PATE4: variants seen among roughly 807,000 people sequenced by gnomAD.
The protein encoded by PATE4 is prostate and testis expressed protein 4.
Under a neutral mutation model 8.5 loss-of-function variants are expected in PATE4, and 13 were observed. The ratio of observed to expected loss-of-function variants is 1.53; its 90% CI spans 1.00 to 2.43. PATE4 has a LOEUF of 2.43. Among genes scored for constraint, PATE4 ranks in the 30% most tolerant of loss-of-function variants. PATE4 has a pLI of 0.00. For missense variants in PATE4, 127 were observed against 115.5 expected (o/e 1.10, Z -0.46); for synonymous variants, 47 against 39.3 (o/e 1.20, Z -0.73).
chr11:125,833,690 T>C (rs911507807), intron 1 of PATE4, among the ~76,000 whole-genome samples: 2 of 152,194 alleles, frequency 1.3e-5, no homozygotes, highest in African/African-American at 4.8e-5. Flanking sequence ...TAATATACTT[T>C]TCTCCTTTAT....
In PATE4 at chr11:125,838,433, C is replaced by T. The variant is rs1943936657; in HGVS notation, c.*6C>T. 6.5e-7 allele frequency: 1 copy of T among 1,538,286 alleles called. No homozygotes were observed. Among genetic ancestry groups the T allele is most frequent in the Non-Finnish European group, 8.7e-7 (1 of 1,143,572 alleles). On this transcript the variant is annotated 3_prime_UTR_variant, in exon 3 of 3. Coordinates refer to ENST00000457514, the MANE Select transcript of PATE4 (RefSeq NM_001144874.1). ...ACTTCTGTAATGTCTTCTAATGGAG[C>T]TTAGGAACTTGCAGAGGATCATCTG...
intron 2 of PATE4, 89 bp from the exon 3 acceptor site, chr11:125,838,217 T>A: frequency 7.3e-7 from 1 of 1,371,892 alleles, no homozygotes. Context: ...GACCCAGTGT[T>A]AAGTGCTATT....
At chr11:125,834,044 T>C (rs978703156) in intron 1 of PATE4, among the ~76,000 whole-genome samples, 1 of 152,206 alleles carries the variant, frequency 6.6e-6, no homozygotes, top group Non-Finnish European at 1.5e-5. Context: ...TTAAATGTGC[T>C]TCAAATATGA....
chr11:125,836,732 T>C (rs1490754565), intron 1 of PATE4, among the ~76,000 whole-genome samples: 4 of 152,192 alleles, frequency 2.6e-5, no homozygotes, highest in Non-Finnish European at 5.9e-5. Flanking sequence ...GAGGGGTTGT[T>C]TAATGCCTGT....
At chr11:125,835,790 C>T (rs1943915715) in intron 1 of PATE4, 1 of 152,234 alleles carries the variant, frequency 6.6e-6, no homozygotes, top group Non-Finnish European at 1.5e-5. Context: ...CTTTCCTGTC[C>T]TTTACCTGTC....
In PATE4 at chr11:125,838,453, C is replaced by A; in HGVS notation, c.*26C>A. The A allele has an allele frequency of 1.3e-6, 2 of 1,526,164 alleles. No individual in the cohort carries two copies. The highest frequency in any genetic ancestry group is 1.4e-5 in the African/African-American group (1 of 71,604). The allele number at this position is 1,526,164 out of a possible 1,614,324, so 94.5% of individuals were successfully genotyped here. A position where few individuals can be genotyped will look rare whatever the true frequency, so the allele number is the denominator to read the frequency against. On this transcript the variant is annotated 3_prime_UTR_variant, in exon 3 of 3. Coordinates refer to ENST00000457514, the MANE Select transcript of PATE4 (RefSeq NM_001144874.1). ...TGGAGCTTAGGAACTTGCAGAGGAT[C>A]ATCTGATCAAGATCCAGAATCAAGA...
In PATE4 at chr11:125,833,550, G is replaced by C. The variant is rs1943901544; in HGVS notation, c.58+133G>C. On this transcript the variant is annotated intron_variant, in intron 1 of 2. Transcript: ENST00000457514. ...GTACAATCTGAGTTTCAGGATGTCA[G>C]AGAGATCATATATAACACACTAATC... is the stretch of plus-strand genomic sequence containing the variant. The C allele has an allele frequency of 7.6e-6, 6 of 784,488 alleles. No individual in the cohort carries two copies. In the Admixed American group the frequency reaches 1.0e-4, roughly 14 times the overall value. 48.6% of individuals were successfully genotyped at this position (784,488 alleles called of 1,614,324 possible).
intron 1 of PATE4, among the ~76,000 whole-genome samples, chr11:125,836,600 C>T (rs1222835245): frequency 6.6e-6 from 1 of 152,188 alleles, no homozygotes; most frequent in Non-Finnish European, 1.5e-5. Context: ...TCAGGCCCCA[C>T]CTTACATCCC....
At chr11:125,837,678 C>T (rs904573622) in intron 1 of PATE4, among the ~76,000 whole-genome samples, 190 bp from the exon 2 acceptor site, 1 of 152,206 alleles carries the variant, frequency 6.6e-6, no homozygotes, top group Non-Finnish European at 1.5e-5. Flanking sequence ...GTCACAGAGA[C>T]TGTGTCTTAT....
At chr11:125,837,819 C>G (rs1445820315) in intron 1 of PATE4, 49 bp from the exon 2 acceptor site, 1 of 1,388,520 alleles carries the variant, frequency 7.2e-7, no homozygotes, top group Non-Finnish European at 9.9e-7. Flanking sequence ...ACTCACTTTT[C>G]CATTGTCCCA....
At chr11:125,837,070 A>G (rs988912773) in intron 1 of PATE4, among the ~76,000 whole-genome samples, 1 of 152,248 alleles carries the variant, frequency 6.6e-6, no homozygotes, top group African/African-American at 2.4e-5. Context: ...ATAAATCAAT[A>G]GCACTCAAGT....
In PATE4 at chr11:125,833,421, AG is replaced by A; in HGVS notation, c.58+5del. ...TCTTTTCTCTACCTCAAAGAGGGTA[AG>A]TTTGAACAATGGGGGTGGAGGGAGG... On this transcript the variant is annotated splice_donor_5th_base_variant and intron_variant, in intron 1 of 2. Coordinates refer to ENST00000457514, the MANE Select transcript of PATE4 (RefSeq NM_001144874.1). 1 of 1,551,226 alleles carries A rather than the reference AG, an allele frequency of 6.4e-7. No individual in the cohort carries two copies. The highest frequency in any genetic ancestry group is 8.7e-7 in the Non-Finnish European group (1 of 1,146,588).
Position 125,838,223 on chromosome 11 carries a change from C to T in PATE4, c.176-83C>T, listed in dbSNP as rs1314277929. ...CGGGAAGGAGACCCAGTGTTAAGTG[C>T]TATTCCTCTTGGTGGTGAGTTTTAG... On this transcript the variant is annotated intron_variant, in intron 2 of 2. Transcript: ENST00000457514. 11 of 1,397,582 alleles carry T rather than the reference C, an allele frequency of 7.9e-6. No individual in the cohort carries two copies. The East Asian group carries it at 2.2e-4, about 29-fold the overall frequency. 86.6% of individuals were successfully genotyped at this position (1,397,582 alleles called of 1,614,324 possible). A position where few individuals can be genotyped will look rare whatever the true frequency, so the allele number is the denominator to read the frequency against.
At chr11:125,834,721 T>G (rs1449676362) in intron 1 of PATE4, among the ~76,000 whole-genome samples, 1 of 152,202 alleles carries the variant, frequency 6.6e-6, no homozygotes, top group Non-Finnish European at 1.5e-5. Context: ...TGAAATATGT[T>G]CAGCATTATT....
chr11:125,837,510 A>G (rs575289383), intron 1 of PATE4, among the ~76,000 whole-genome samples: 11 of 152,292 alleles, frequency 7.2e-5, no homozygotes, highest in Non-Finnish European at 1.6e-4. Context: ...TCTTTAGCTA[A>G]AGTATTCCCC....
At position 125,838,484 on chromosome 11, in the gene PATE4, C is replaced by A. The variant is rs905212468; in HGVS notation, c.*57C>A. ...ATCAAGATCCAGAATCAAGACCAAC[C>A]AACATGAACTGTTTTATTTCCCACA... On this transcript the variant is annotated 3_prime_UTR_variant, in exon 3 of 3. Coordinates refer to ENST00000457514, the MANE Select transcript of PATE4 (RefSeq NM_001144874.1). The A allele has an allele frequency of 1.0e-5, 15 of 1,491,646 alleles. No individual in the cohort carries two copies. Among genetic ancestry groups the A allele is most frequent in the African/African-American group, 2.8e-5 (2 of 70,690 alleles). 92.4% of individuals were successfully genotyped at this position (1,491,646 alleles called of 1,614,324 possible).
At chr11:125,835,831 GA>G (rs1409651149) in intron 1 of PATE4, 1 of 152,174 alleles carries the variant, frequency 6.6e-6, no homozygotes, top group Non-Finnish European at 1.5e-5. Context: ...AAATGGGTCA[GA>G]AACTATCACT....
intron 1 of PATE4, among the ~76,000 whole-genome samples, chr11:125,836,916 C>G (rs4937054): frequency 0.87 from 131,737 of 152,130 alleles, 57,168 homozygotes; most frequent in East Asian, 1. Flanking sequence ...GCTGAGTGAA[C>G]GAAAAAATGA....
chr11:125,835,037 A>T (rs1943910189), intron 1 of PATE4: 1 of 152,198 alleles, frequency 6.6e-6, no homozygotes, highest in African/African-American at 2.4e-5. Context: ...AGAGTGGGAG[A>T]TCAACTTTAC....
Sources: allele counts gnomAD v4.1 joint callset (sites outside exome capture counted in the v4.1 genomes callset), GRCh38; gene constraint gnomAD v4.1.1; transcripts MANE v1.5; gene names NCBI Gene and HGNC (gene_info 2026-07-23, HGNC 2026-07-21).